HYDIN: variants seen among roughly 807,000 people sequenced by gnomAD.
The protein encoded by HYDIN is HYDIN axonemal central pair apparatus protein.
Under a neutral mutation model 403.9 loss-of-function variants are expected in HYDIN, and 132 were observed. The observed-to-expected ratio is 0.33, with a 90% CI of 0.28 to 0.38. The LOEUF (loss-of-function observed/expected upper bound fraction) is 0.38, where lower values mean the gene tolerates loss of function less well. Ranked by LOEUF, HYDIN falls within the 10% of genes least tolerant of loss-of-function variation. The pLI, the probability that HYDIN is intolerant of heterozygous loss-of-function variation, is 1.00. For missense variants in HYDIN, 2,827 were observed against 5,009.5 expected, an observed-to-expected ratio of 0.56 and a Z score of 13.15; for synonymous variants, 1,202 against 1,891.7, an observed-to-expected ratio of 0.64 and a Z score of 9.46.
chr16:70,878,226 C>T (rs2040564505), intron 62 of HYDIN, among the ~76,000 whole-genome samples: 1 of 150,506 alleles, frequency 6.6e-6, no homozygotes, highest in African/African-American at 2.5e-5. Flanking sequence ...TGCCTGCCAC[C>T]ACGTAAGACA....
chr16:70,888,754 G>A (rs552519141), intron 58 of HYDIN, among the ~76,000 whole-genome samples: 19 of 152,178 alleles, frequency 1.2e-4, no homozygotes, highest in South Asian at 6.2e-4. Flanking sequence ...CAAGGGGGTG[G>A]GGCACCTCAT....
intron 42 of HYDIN, among the ~76,000 whole-genome samples, chr16:70,942,364 G>C (rs1409062150): frequency 6.6e-6 from 1 of 151,858 alleles, no homozygotes; most frequent in Non-Finnish European, 1.5e-5. Flanking sequence ...TATTCTGTCT[G>C]TAGAAATAAA....
chr16:70,997,151 T>G (rs1309220171), intron 23 of HYDIN, among the ~76,000 whole-genome samples: 2 of 149,848 alleles, frequency 1.3e-5, no homozygotes, highest in Non-Finnish European at 3.0e-5. Context: ...CTAATGCCGC[T>G]GGATACCTGA....
At chr16:71,065,937 G>A (rs1476593530) in intron 15 of HYDIN, among the ~76,000 whole-genome samples, 8 of 152,138 alleles carry the variant, frequency 5.3e-5, no homozygotes, top group Admixed American at 1.3e-4. Context: ...TTCTTTAACC[G>A]CAAAGTTTGT....
At chr16:70,992,623 A>G (rs1489464420) in intron 23 of HYDIN, among the ~76,000 whole-genome samples, 2 of 149,138 alleles carry the variant, frequency 1.3e-5, no homozygotes, top group Non-Finnish European at 3.0e-5. Flanking sequence ...AGTTCACCAG[A>G]AAGCAGGGCT....
intron 12 of HYDIN, among the ~76,000 whole-genome samples, chr16:71,085,146 AT>A (rs1256699359): frequency 5.4e-5 from 5 of 91,990 alleles, no homozygotes; most frequent in Non-Finnish European, 1.1e-4. Flanking sequence ...CCACCTTCTT[AT>A]TTTTTGGAAG....
rs1205775805 is a variant in HYDIN, at chr16:71,090,431, A to G, written c.1447-1907T>C. The stretch of plus-strand genomic sequence containing the variant: ...AAAATTAAATTTATTAATTTATGTA[A>G]TTTTTAGAATAGTGCTTGGCAAATA... On this transcript the variant is annotated intron_variant, in intron 11 of 85. Coordinates refer to ENST00000393567, the MANE Select transcript of HYDIN (RefSeq NM_001270974.2). The G allele has an allele frequency of 2.0e-5, 3 of 151,766 alleles. No individual in the cohort carries two copies. In the East Asian group the frequency reaches 5.8e-4, roughly 29 times the overall value. 9.4% of individuals were successfully genotyped at this position (151,766 alleles called of 1,614,324 possible).
rs569371039 is a variant in HYDIN at position 70,818,486 on chromosome 16, G to A, written c.14514C>T (p.Ile4838=). ...RVIPSGIIKT[I]EMVTPVRQVA... ...CTTGCCGGACTGGGGTCACCATCTCGATGGTTTTGATGATGCCTGAAGGGA... is the reference window on the plus strand; with the variant it reads ...CTTGCCGGACTGGGGTCACCATCTCAATGGTTTTGATGATGCCTGAAGGGA... The change falls in exon 84 of 86, where the codon ATC becomes ATT. Residue 4838 remains isoleucine, a synonymous_variant. Coordinates refer to ENST00000393567, the MANE Select transcript of HYDIN (RefSeq NM_001270974.2). 1.5e-5 allele frequency: 22 copies of A among 1,456,268 alleles called. No homozygotes were observed. In the East Asian group the frequency reaches 2.1e-4, roughly 14 times the overall value. The allele number at this position is 1,456,268 out of a possible 1,614,324, so 90.2% of individuals were successfully genotyped here.
At chr16:70,834,959 T>G (rs140103636) in intron 78 of HYDIN, among the ~76,000 whole-genome samples, 1 of 144,554 alleles carries the variant, frequency 6.9e-6, no homozygotes, top group Non-Finnish European at 1.5e-5. Context: ...TGTATATATA[T>G]ACACACATAT....
intron 84 of HYDIN, among the ~76,000 whole-genome samples, chr16:70,817,725 CTATTTTATTTTATTATTT>C (rs1039969498): frequency 2.9e-4 from 44 of 151,986 alleles, no homozygotes; most frequent in Non-Finnish European, 5.7e-4. Context: ...CTATTCTATA[CTATTTTATTTTATTATTT>C]TATTTTATAT....
intron 28 of HYDIN, among the ~76,000 whole-genome samples, chr16:70,984,643 T>G (rs2079135174): frequency 6.8e-6 from 1 of 147,092 alleles, no homozygotes; most frequent in Admixed American, 6.9e-5. Flanking sequence ...TCTTTGGATT[T>G]ACAAGATTAT....
At chr16:70,927,657 C>G (rs1423180289) in intron 45 of HYDIN, among the ~76,000 whole-genome samples, 2 of 152,260 alleles carry the variant, frequency 1.3e-5, no homozygotes, top group African/African-American at 4.8e-5. Context: ...CCAGCTTGCC[C>G]TTGAATACTT....
chr16:70,902,821 ATT>A (rs60618592), intron 52 of HYDIN, among the ~76,000 whole-genome samples: 9,674 of 43,164 alleles, frequency 0.22, 301 homozygotes, highest in East Asian at 0.41. Context: ...ATATATATAT[ATT>A]TTTTTTTTTT....
chr16:70,855,592 T>TG (rs2038970555), intron 72 of HYDIN, among the ~76,000 whole-genome samples: 1 of 152,194 alleles, frequency 6.6e-6, no homozygotes, highest in African/African-American at 2.4e-5. Flanking sequence ...AATTTGTTAA[T>TG]GGGGGCTTCA....
In HYDIN at chr16:70,992,089, C is replaced by T. The variant is rs763669224; in HGVS notation, c.3766G>A (p.Asp1256Asn). 6.2e-7 allele frequency: 1 copy of T among 1,613,632 alleles called. No homozygotes were observed. The highest frequency in any genetic ancestry group is 1.3e-5 in the African/African-American group (1 of 74,834). ...ACTTACTTAACAAAATCATTTAAAT[C>T]CATCTCGGGGGACTCTACTGTAACT... ...ILVTVESPEM[D>N]LNDFVKTVLV... The change falls in exon 24 of 86, where the codon GAT (aspartate) becomes AAT (asparagine). Residue 1256 changes from aspartate (D) to asparagine (N), a missense_variant. Coordinates refer to ENST00000393567, the MANE Select transcript of HYDIN (RefSeq NM_001270974.2).
In HYDIN at chr16:70,829,629, G is replaced by C. The variant is rs536900163; in HGVS notation, c.14101C>G (p.Arg4701Gly). The C allele has an allele frequency of 1.2e-6, 2 of 1,612,952 alleles. No homozygotes were observed. Among genetic ancestry groups the C allele is most frequent in the South Asian group, 1.1e-5 (1 of 91,020 alleles). The change falls in exon 81 of 86, where the codon CGC becomes GGC. Residue 4701 changes from arginine (R) to glycine (G), a missense_variant. Physicochemically the swap from Arg to Gly is moderately radical, Grantham distance 125 (BLOSUM62 -2). Coordinates refer to ENST00000393567, the MANE Select transcript of HYDIN (RefSeq NM_001270974.2). ...YRPRTMNLENRKHQGTLFFPL... is the reference protein window; with the variant it reads ...YRPRTMNLENGKHQGTLFFPL... ...GGACCTCAGTCTACCTGGTGCTTGC[G>C]GTTCTCCAAGTTCATGGTGCGGGGC...
intron 10 of HYDIN, among the ~76,000 whole-genome samples, chr16:71,100,763 T>C (rs1225411523): frequency 6.6e-6 from 1 of 151,350 alleles, no homozygotes; most frequent in African/African-American, 2.4e-5. Flanking sequence ...TATTGCCTTA[T>C]ATGGCAAAAG....
intron 45 of HYDIN, among the ~76,000 whole-genome samples, chr16:70,923,531 G>A (rs1377691443): frequency 1.7e-4 from 21 of 124,640 alleles, no homozygotes; most frequent in African/African-American, 6.3e-4. Flanking sequence ...GGCCAGGTGT[G>A]GTGGCTCAAG....
chr16:71,073,407 A>G (rs973689420), intron 13 of HYDIN, among the ~76,000 whole-genome samples: 2 of 152,122 alleles, frequency 1.3e-5, no homozygotes, highest in African/African-American at 4.8e-5. Flanking sequence ...TGATCATTAC[A>G]ATCCGGTTTT....
Sources: gnomAD v4.1 joint callset for allele counts (sites outside exome capture counted in the v4.1 genomes callset) on GRCh38, gnomAD v4.1.1 for gene constraint, MANE v1.5 for transcripts, NCBI Gene and HGNC (gene_info 2026-07-23, HGNC 2026-07-21) for gene names.